OXSR1: variants seen among roughly 807,000 people sequenced by gnomAD.
OXSR1 encodes the protein serine/threonine-protein kinase OSR1.
OXSR1 carries 24 observed loss-of-function variants against 79.8 expected under a neutral mutation model. That is an observed-to-expected ratio of 0.30 (90% CI 0.22 to 0.42). The LOEUF is 0.42. Among genes scored for constraint, OXSR1 ranks in the 10% least tolerant of loss-of-function variants. The probability of loss-of-function intolerance (pLI) is 1.00; values close to 1 mark genes in which losing one functional copy is unlikely to be tolerated. For missense variants in OXSR1, 430 were observed against 618.4 expected, an observed-to-expected ratio of 0.70 and a Z score of 3.23; for synonymous variants, 226 against 209.2, an observed-to-expected ratio of 1.08 and a Z score of -0.69.
intron 12 of OXSR1, among the ~76,000 whole-genome samples, chr3:38,245,694 C>G (rs1170848567): frequency 6.6e-6 from 1 of 152,082 alleles, no homozygotes; most frequent in African/African-American, 2.4e-5. Context: ...AAATTAGGAT[C>G]AGTTGTTGCC....
At chr3:38,233,864 T>A (rs1167083964) in intron 10 of OXSR1, among the ~76,000 whole-genome samples, 1 of 151,984 alleles carries the variant, frequency 6.6e-6, no homozygotes, top group African/African-American at 2.4e-5. Context: ...GGGAGCTGTG[T>A]TCGTGCCACT....
intron 2 of OXSR1, among the ~76,000 whole-genome samples, chr3:38,187,450 A>G (rs563003249): frequency 6.6e-5 from 10 of 152,340 alleles, no homozygotes; most frequent in African/African-American, 2.4e-4. Flanking sequence ...GTTAAGGCAG[A>G]GACTTTATTT....
intron 9 of OXSR1, among the ~76,000 whole-genome samples, chr3:38,230,053 C>T (rs1364984432): frequency 1.3e-5 from 2 of 152,058 alleles, no homozygotes; most frequent in Non-Finnish European, 2.9e-5. Flanking sequence ...TCTCATTTCC[C>T]AAATATATCA....
intron 1 of OXSR1, among the ~76,000 whole-genome samples, chr3:38,168,097 A>G (rs894974935): frequency 1.3e-5 from 2 of 152,194 alleles, no homozygotes; most frequent in Non-Finnish European, 2.9e-5. Context: ...TCTTCTGGAT[A>G]GGGTTAGTGT....
rs1293230973 is a variant in OXSR1, at chr3:38,220,349, TATTTCTATTTTCATA to T, written c.491-1217_491-1203del. Among the ~76,000 whole-genome samples, 3 of 152,308 alleles carry T rather than the reference TATTTCTATTTTCATA, an allele frequency of 2.0e-5. No homozygotes were observed. The East Asian group carries it at 5.8e-4, about 29-fold the overall frequency. ...CTGTAATTTATTGTATTTTCAAATT[TATTTCTATTTTCATA>T]ATTTCTATTTTATAATTCTGTTTTC... On this transcript the variant is annotated intron_variant, in intron 5 of 17. Coordinates refer to ENST00000311806, the MANE Select transcript of OXSR1 (RefSeq NM_005109.3).
chr3:38,222,276 C>T (rs1702604042), intron 6 of OXSR1, among the ~76,000 whole-genome samples: 1 of 152,138 alleles, frequency 6.6e-6, no homozygotes, highest in Non-Finnish European at 1.5e-5. Flanking sequence ...TGTGCAGGAC[C>T]AGCAGAGTTG....
intron 2 of OXSR1, among the ~76,000 whole-genome samples, chr3:38,185,107 G>A (rs1244858679): frequency 1.3e-5 from 2 of 150,328 alleles, no homozygotes; most frequent in African/African-American, 4.9e-5. Flanking sequence ...GGGCAACAGA[G>A]TAAGACTCCA....
At chr3:38,246,313 AATG>A in intron 13 of OXSR1, 92 bp downstream of exon 13, 1 of 1,222,562 alleles carries the variant, frequency 8.2e-7, no homozygotes, top group Non-Finnish European at 1.1e-6. Context: ...TAATCAGGTT[AATG>A]TCTTGGTAGA....
intron 8 of OXSR1, 123 bp downstream of exon 8, chr3:38,224,827 A>T (rs964028937): frequency 3.0e-6 from 2 of 673,800 alleles, no homozygotes; most frequent in Non-Finnish European, 4.8e-6. Context: ...TTAAAAAAGT[A>T]TACAGAGACC....
rs192379978 is a variant in OXSR1 at position 38,195,796 on chromosome 3, T to G, written c.293-2926T>G. ...TTATTGTACAATTAAAGTTTTGCAT[T>G]GCTTTTTAAATGTTCCATGCCACAG... On this transcript the variant is annotated intron_variant, in intron 3 of 17. Transcript: ENST00000311806. Among the ~76,000 whole-genome samples, 23 of 152,364 alleles carry G rather than the reference T, an allele frequency of 1.5e-4. No individual in the cohort carries two copies. The South Asian group carries it at 2.3e-3, about 15-fold the overall frequency.
chr3:38,185,932 G>A (rs1286344629), intron 2 of OXSR1, among the ~76,000 whole-genome samples: 2 of 114,062 alleles, frequency 1.8e-5, no homozygotes, highest in African/African-American at 3.4e-5. Context: ...GTGACACAGA[G>A]TGAGGCCCTG....
intron 16 of OXSR1, among the ~76,000 whole-genome samples, chr3:38,251,940 T>C (rs1213236047): frequency 6.6e-6 from 1 of 152,198 alleles, no homozygotes; most frequent in Non-Finnish European, 1.5e-5. Flanking sequence ...ATAAATAGTT[T>C]AGGCCTTGCG....
At chr3:38,222,832 A>G (rs1201426073) in intron 6 of OXSR1, among the ~76,000 whole-genome samples, 2 of 152,150 alleles carry the variant, frequency 1.3e-5, no homozygotes, top group Non-Finnish European at 2.9e-5. Context: ...TTTTGTTTTG[A>G]TTCTTTCTAG....
At chr3:38,237,580 T>C (rs1702944546) in intron 11 of OXSR1, among the ~76,000 whole-genome samples, 1 of 152,182 alleles carries the variant, frequency 6.6e-6, no homozygotes, top group Admixed American at 6.5e-5. Flanking sequence ...ATAGTGAGTA[T>C]ACTGGTATAT....
At chr3:38,211,331 ATGACTCCTT>A (rs1702383571) in intron 4 of OXSR1, among the ~76,000 whole-genome samples, 1 of 152,074 alleles carries the variant, frequency 6.6e-6, no homozygotes, top group Non-Finnish European at 1.5e-5. Flanking sequence ...TATAACCCTA[ATGACTCCTT>A]TGAACACTGT....
intron 4 of OXSR1, among the ~76,000 whole-genome samples, chr3:38,213,722 A>G (rs35100669): frequency 2.9e-4 from 44 of 152,350 alleles, no homozygotes; most frequent in Non-Finnish European, 5.6e-4. Context: ...CCTAAAACAT[A>G]AACTATTAAG....
At chr3:38,208,312 C>T (rs1026991870) in intron 4 of OXSR1, among the ~76,000 whole-genome samples, 5 of 152,032 alleles carry the variant, frequency 3.3e-5, no homozygotes, top group African/African-American at 1.2e-4. Context: ...AGATGCTTCT[C>T]GACTTAGGAT....
At chr3:38,183,138 A>C (rs968200401) in intron 2 of OXSR1, 23 bp downstream of exon 2, 2 of 1,245,828 alleles carry the variant, frequency 1.6e-6, no homozygotes, top group Non-Finnish European at 2.3e-6. Flanking sequence ...TATACTTCTG[A>C]AATGGAGAGA....
At chr3:38,229,997 A>G (rs1702771876) in intron 9 of OXSR1, among the ~76,000 whole-genome samples, 1 of 152,216 alleles carries the variant, frequency 6.6e-6, no homozygotes, top group South Asian at 2.1e-4. Context: ...AATTTGTGAA[A>G]AATACCGAAC....
Sources: gnomAD v4.1 joint callset for allele counts (sites outside exome capture counted in the v4.1 genomes callset) on GRCh38, gnomAD v4.1.1 for gene constraint, MANE v1.5 for transcripts, NCBI Gene and HGNC (gene_info 2026-07-23, HGNC 2026-07-21) for gene names.